RPTOR: variants seen among roughly 807,000 people sequenced by gnomAD.
RPTOR encodes the protein regulatory associated protein of MTOR complex 1.
A neutral mutation model predicts 169.9 loss-of-function variants in RPTOR; 21 were observed. The observed-to-expected ratio is 0.12, with a 90% CI of 0.09 to 0.18. RPTOR has a LOEUF of 0.18. Ranked by LOEUF, RPTOR falls within the 10% of genes least tolerant of loss-of-function variation. RPTOR has a pLI of 1.00. For synonymous variants in RPTOR, 732 were observed against 753.2 expected (o/e 0.97, Z 0.46); for missense variants, 1,133 against 1,855.9 (o/e 0.61, Z 7.16).
At chr17:80,570,511 A>C (rs2064893220) in intron 1 of RPTOR, among the ~76,000 whole-genome samples, 1 of 151,794 alleles carries the variant, frequency 6.6e-6, no homozygotes, top group African/African-American at 2.4e-5. Flanking sequence ...CCCAGGCTGG[A>C]GTGCAATGGT....
At chr17:80,851,516 C>G (rs189154942) in intron 11 of RPTOR, among the ~76,000 whole-genome samples, 379 of 151,936 alleles carry the variant, frequency 2.5e-3, no homozygotes, top group Non-Finnish European at 4.4e-3. Context: ...AAAAACAGTA[C>G]TTAACCTTTC....
chr17:80,666,389 G>T (rs1014283117), intron 3 of RPTOR, among the ~76,000 whole-genome samples: 1 of 152,120 alleles, frequency 6.6e-6, no homozygotes, highest in African/African-American at 2.4e-5. Flanking sequence ...ACAAGCTACC[G>T]CTGTCTTCAG....
intron 1 of RPTOR, among the ~76,000 whole-genome samples, chr17:80,586,695 C>T (rs1420863864): frequency 6.6e-6 from 1 of 152,218 alleles, no homozygotes; most frequent in Non-Finnish European, 1.5e-5. Flanking sequence ...GCTTCCTGTC[C>T]TGCCCATCAC....
At chr17:80,962,174 C>T (rs1199470237) in intron 31 of RPTOR, among the ~76,000 whole-genome samples, 2 of 152,192 alleles carry the variant, frequency 1.3e-5, no homozygotes, top group South Asian at 2.1e-4. Flanking sequence ...AGCCTCCTCC[C>T]GCATCTGTGC....
intron 2 of RPTOR, among the ~76,000 whole-genome samples, chr17:80,640,532 G>A (rs755609964): frequency 3.9e-5 from 6 of 152,220 alleles, no homozygotes; most frequent in Non-Finnish European, 7.3e-5. Context: ...ATAGTGCCAT[G>A]TAGCTGGTCA....
rs1356344479 is a variant in RPTOR, at chr17:80,633,998, G to A, written c.265+8205G>A. ...GATCTGGGTGCCAGGTGTTCTCTTT[G>A]AACTGGCGTGCTATTGCTCCCAGGA... On this transcript the variant is annotated intron_variant, in intron 2 of 33. Transcript: ENST00000306801. The surrounding 1 kb of genome is among the most constrained non-coding windows in gnomAD (Gnocchi z 4.1). Among the ~76,000 whole-genome samples the A allele has an allele frequency of 6.6e-6, 1 of 152,206 alleles. No homozygotes were observed. Among genetic ancestry groups the A allele is most frequent in the Non-Finnish European group, 1.5e-5 (1 of 68,038 alleles).
chr17:80,912,412 C>T (rs2068623993), intron 21 of RPTOR, among the ~76,000 whole-genome samples: 1 of 152,260 alleles, frequency 6.6e-6, no homozygotes, highest in South Asian at 2.1e-4. Context: ...AGTATTCAGC[C>T]TATTTAAGTT....
At chr17:80,882,054 G>A (rs1363152623) in intron 14 of RPTOR, among the ~76,000 whole-genome samples, 2 of 152,194 alleles carry the variant, frequency 1.3e-5, no homozygotes, top group Non-Finnish European at 1.5e-5. Flanking sequence ...CACTGTTATT[G>A]AAAACTCTGG....
intron 3 of RPTOR, among the ~76,000 whole-genome samples, chr17:80,700,744 G>GATA (rs1429434687): frequency 6.6e-6 from 1 of 151,046 alleles, no homozygotes; most frequent in South Asian, 2.1e-4. Context: ...TGGTGGTGGT[G>GATA]GTGGTGGTGA....
chr17:80,588,600 G>A (rs557023337), intron 1 of RPTOR, among the ~76,000 whole-genome samples: 2 of 152,320 alleles, frequency 1.3e-5, no homozygotes, highest in East Asian at 3.9e-4. Flanking sequence ...CCCAGAGGCA[G>A]AATTGCTGGA....
chr17:80,746,272 CACCGCCCCCACAGCGG>C lies in RPTOR; in HGVS notation c.655-7737_655-7722del. ...AGCGGTGCTTTCTGCGGGTGATCCCCACCGCCCCCACAGCGGTGCTTTCTGCGGGTGATCCCCACCG... is the reference window on the plus strand; with the variant it reads ...AGCGGTGCTTTCTGCGGGTGATCCCCTGCTTTCTGCGGGTGATCCCCACCG... On this transcript the variant is annotated intron_variant, in intron 5 of 33. Coordinates refer to ENST00000306801, the MANE Select transcript of RPTOR (RefSeq NM_020761.3). The surrounding 1 kb of genome is among the most constrained non-coding windows in gnomAD (Gnocchi z 4.5). 7.1e-6 allele frequency among the ~76,000 whole-genome samples: 1 copy of C among 140,768 alleles called. No homozygotes were observed. Among genetic ancestry groups the C allele is most frequent in the East Asian group, 2.1e-4 (1 of 4,780 alleles). 92.3% of individuals were successfully genotyped at this position (140,768 alleles called of 152,430 possible).
intron 13 of RPTOR, among the ~76,000 whole-genome samples, chr17:80,872,999 C>T (rs746331776): frequency 1.2e-4 from 19 of 152,160 alleles, no homozygotes; most frequent in Non-Finnish European, 2.5e-4. Flanking sequence ...GAGGAGGCCC[C>T]GGGGGGGACC....
chr17:80,652,269 T>C (rs926666474), intron 3 of RPTOR, among the ~76,000 whole-genome samples: 3 of 151,992 alleles, frequency 2.0e-5, no homozygotes, highest in Non-Finnish European at 4.4e-5. Context: ...TCCAGAACAC[T>C]TTTCTTACCC....
rs1401323472 is a variant in RPTOR, at chr17:80,861,605, C to A, written c.1509+3705C>A. Among the ~76,000 whole-genome samples, 1 of 152,148 alleles carries A rather than the reference C, an allele frequency of 6.6e-6. No individual in the cohort carries two copies. Among genetic ancestry groups the A allele is most frequent in the Non-Finnish European group, 1.5e-5 (1 of 68,020 alleles). On this transcript the variant is annotated intron_variant, in intron 13 of 33. Coordinates refer to ENST00000306801, the MANE Select transcript of RPTOR (RefSeq NM_020761.3). The surrounding 1 kb of genome is among the most constrained non-coding windows in gnomAD (Gnocchi z 4.5). ...TGGCACCTGGCCACGGATGAAGGAC[C>A]ATGTGTAGGGGCTCTGGGATGCACA...
chr17:80,965,642 G>A lies in RPTOR; in HGVS notation c.*1312G>A, dbSNP rs1020094142. 4.3e-5 allele frequency: 10 copies of A among 233,230 alleles called. No individual in the cohort carries two copies. The highest frequency in any genetic ancestry group is 1.2e-4 in the East Asian group (2 of 16,594). The allele number at this position is 233,230 out of a possible 1,614,324, so 14.4% of individuals were successfully genotyped here. ...CCACGGGAGTGAGAGCTGGTGTGGC[G>A]AGGCCCGGCTCTCCTGCGGTGTGGC... On this transcript the variant is annotated 3_prime_UTR_variant, in exon 34 of 34. Transcript: ENST00000306801.
chr17:80,665,168 C>G (rs1472472216), intron 3 of RPTOR, among the ~76,000 whole-genome samples: 8 of 152,090 alleles, frequency 5.3e-5, no homozygotes, highest in Non-Finnish European at 1.0e-4. Flanking sequence ...TTTTACTGGG[C>G]TTCCTCTCCA....
At chr17:80,872,878 T>C (rs375105963) in intron 13 of RPTOR, among the ~76,000 whole-genome samples, 53 of 152,104 alleles carry the variant, frequency 3.5e-4, no homozygotes, top group Middle Eastern at 3.4e-3. Flanking sequence ...GGCCCCATGA[T>C]TGATGGTTAG....
At chr17:80,946,612 G>A (rs528064014) in intron 26 of RPTOR, among the ~76,000 whole-genome samples, 11 of 152,360 alleles carry the variant, frequency 7.2e-5, no homozygotes, top group African/African-American at 9.6e-5. Context: ...TCGGCTCAGC[G>A]CAGTGTCTTT....
At chr17:80,883,643 G>T in intron 15 of RPTOR, 138 bp from the exon 16 acceptor site, 1 of 1,211,296 alleles carries the variant, frequency 8.3e-7, no homozygotes. Flanking sequence ...ATATGAATCA[G>T]AGGAATCTAA....
Sources: allele counts gnomAD v4.1 joint callset (sites outside exome capture counted in the v4.1 genomes callset), GRCh38; gene constraint gnomAD v4.1.1; non-coding constraint Gnocchi (gnomAD v3.1); transcripts MANE v1.5; gene names NCBI Gene and HGNC (gene_info 2026-07-23, HGNC 2026-07-21).